The following ZNF365 variants were observed in gnomAD, a reference collection of about 807,000 sequenced individuals.
The protein encoded by ZNF365 is zinc finger protein 365.
A neutral mutation model predicts 35.0 loss-of-function variants in ZNF365; 22 were observed. The ratio of observed to expected loss-of-function variants is 0.63; its 90% CI spans 0.45 to 0.90. ZNF365 has a LOEUF of 0.90. Among genes scored for constraint, ZNF365 ranks in the 40% least tolerant of loss-of-function variants. The pLI, the probability that ZNF365 is intolerant of heterozygous loss-of-function variation, is 0.00. For missense variants in ZNF365, 448 were observed against 500.3 expected, an observed-to-expected ratio of 0.90 and a Z score of 1.00; for synonymous variants, 188 against 196.2, an observed-to-expected ratio of 0.96 and a Z score of 0.35.
At chr10:62,394,195 A>G (rs1839683099) in intron 3 of ZNF365, among the ~76,000 whole-genome samples, 1 of 152,200 alleles carries the variant, frequency 6.6e-6, no homozygotes, top group African/African-American at 2.4e-5. Flanking sequence ...CAGAAATCCA[A>G]AATGCTCCAG....
rs1404986897 is a variant in ZNF365, at chr10:62,376,319, C to T, written c.126C>T (p.Ser42=). The T allele has an allele frequency of 6.2e-7, 1 of 1,614,152 alleles. No homozygotes were observed. Among genetic ancestry groups the T allele is most frequent in the South Asian group, 1.1e-5 (1 of 91,088 alleles). The change falls in exon 2 of 5, where the codon TCC becomes TCT. Residue 42 remains serine, a synonymous_variant. Coordinates refer to ENST00000395254, the MANE Select transcript of ZNF365 (RefSeq NM_014951.3). ...GDHTRFRSLS[S]LRAHLEFSHS... is the part of the protein sequence containing the mutation. ...ATACCAGATTTAGAAGCTTGTCATC[C>T]TTGAGGGCCCATCTGGAGTTCAGTC...
At chr10:62,403,256 G>A (rs1839857446), downstream of ZNF365, among the ~76,000 whole-genome samples, 1 of 152,206 alleles carries the variant, frequency 6.6e-6, no homozygotes, top group Non-Finnish European at 1.5e-5. Flanking sequence ...AGTGGAAGTG[G>A]ATCATCATAG....
intron 3 of ZNF365, among the ~76,000 whole-genome samples, chr10:62,440,426 A>G (rs1840480353): frequency 6.6e-6 from 1 of 152,026 alleles, no homozygotes. Context: ...AGCAGACTGC[A>G]ATGTCTGTTG....
chr10:62,392,746 T>G (rs1287162789), intron 3 of ZNF365, among the ~76,000 whole-genome samples: 1 of 152,174 alleles, frequency 6.6e-6, no homozygotes, highest in Non-Finnish European at 1.5e-5. Context: ...TTCTCCTGCC[T>G]CAGCCTCCTG....
At chr10:62,443,034 C>T (rs1424927343) in intron 3 of ZNF365, among the ~76,000 whole-genome samples, 3 of 152,300 alleles carry the variant, frequency 2.0e-5, no homozygotes, top group East Asian at 1.9e-4. Context: ...AGGGCTCAAC[C>T]GGGCTTTGAA....
chr10:62,420,212 T>C (rs995012271), intron 3 of ZNF365, among the ~76,000 whole-genome samples: 1 of 152,238 alleles, frequency 6.6e-6, no homozygotes, highest in African/African-American at 2.4e-5. Flanking sequence ...CATTGTCTTA[T>C]TTGGATATCA....
At chr10:62,376,088 C>T (rs1157489988) in intron 1 of ZNF365, 93 bp from the exon 2 acceptor site, 4 of 1,404,680 alleles carry the variant, frequency 2.8e-6, no homozygotes, top group Non-Finnish European at 3.9e-6. Context: ...CACTTGAAAC[C>T]AAAAAGCCTC....
chr10:62,437,837 T>C (rs1363508801), intron 3 of ZNF365, among the ~76,000 whole-genome samples: 2 of 152,196 alleles, frequency 1.3e-5, no homozygotes, highest in Non-Finnish European at 2.9e-5. Flanking sequence ...CCACATACTT[T>C]AAAGTAAGAC....
chr10:62,415,897 C>A (rs1006481330), intron 3 of ZNF365, among the ~76,000 whole-genome samples: 1 of 152,134 alleles, frequency 6.6e-6, no homozygotes, highest in Non-Finnish European at 1.5e-5. Flanking sequence ...GAGGTTCTCT[C>A]CTGTTTAGAA....
intron 3 of ZNF365, among the ~76,000 whole-genome samples, chr10:62,450,414 A>G (rs1484908691): frequency 1.3e-5 from 2 of 152,182 alleles, no homozygotes; most frequent in Non-Finnish European, 1.5e-5. Flanking sequence ...TTACCGTGTG[A>G]ACTGAACTGT....
At chr10:62,453,528 T>C (rs1840717576) in intron 3 of ZNF365, among the ~76,000 whole-genome samples, 1 of 152,244 alleles carries the variant, frequency 6.6e-6, no homozygotes, top group Non-Finnish European at 1.5e-5. Context: ...TCCAATCATC[T>C]GTTGATGGAT....
rs140648616 is a variant in ZNF365 at position 62,441,377 on chromosome 10, T to C, written c.925-18364T>C. On this transcript the variant is annotated intron_variant, in intron 3 of 4. Transcript: ENST00000395255. ...ATCTATACCATATATATTAGTTCTTTAAATAGCAAAATCCTAGAATGCTAG... is the reference window on the plus strand; with the variant it reads ...ATCTATACCATATATATTAGTTCTTCAAATAGCAAAATCCTAGAATGCTAG... Among the ~76,000 whole-genome samples the C allele has an allele frequency of 7.3e-3, 1,113 of 152,288 alleles. 9 individuals are homozygous for C. Among genetic ancestry groups the C allele is most frequent in the Admixed American group, 0.013 (194 of 15,278 alleles).
intron 2 of ZNF365, among the ~76,000 whole-genome samples, chr10:62,386,845 A>G (rs1047679313): frequency 1.3e-5 from 2 of 151,972 alleles, no homozygotes; most frequent in East Asian, 3.8e-4. Flanking sequence ...GAGAAGATGT[A>G]GAGAAGCCAA....
downstream of ZNF365, among the ~76,000 whole-genome samples, chr10:62,406,709 G>A (rs557708572): frequency 9.8e-5 from 15 of 152,332 alleles, no homozygotes; most frequent in African/African-American, 3.1e-4. Flanking sequence ...GGCAGTCTGA[G>A]TGTGGTCATG....
chr10:62,376,445 A>T lies in ZNF365; in HGVS notation c.252A>T (p.Lys84Asn). The T allele has an allele frequency of 6.2e-7, 1 of 1,614,172 alleles. No individual in the cohort carries two copies. Among genetic ancestry groups the T allele is most frequent in the Non-Finnish European group, 8.5e-7 (1 of 1,180,036 alleles). Residue 84 changes from lysine to asparagine, a missense_variant, in exon 2 of 5, where the codon AAA becomes AAT. This residue lies in a region of ZNF365 where 76 missense variants were observed against 96.7 expected (regional missense o/e 0.79). Coordinates refer to ENST00000395254, the MANE Select transcript of ZNF365 (RefSeq NM_014951.3). ...VTSSELLKPG[K>N]LQSSGNVVKQ... ...CCTCAGAACTCCTGAAACCGGGAAA[A>T]TTGCAGAGCAGTGGCAACGTGGTAA...
At chr10:62,418,254 T>C (rs1840111576) in intron 3 of ZNF365, among the ~76,000 whole-genome samples, 1 of 152,058 alleles carries the variant, frequency 6.6e-6, no homozygotes, top group Admixed American at 6.6e-5. Context: ...ATTTTGTCAA[T>C]ATTTATATGG....
intron 3 of ZNF365, among the ~76,000 whole-genome samples, chr10:62,441,475 A>G (rs1350730434): frequency 6.6e-6 from 1 of 152,150 alleles, no homozygotes; most frequent in Admixed American, 6.6e-5. Context: ...GCTCAGAGAC[A>G]TGATCTTATT....
chr10:62,381,029 G>A (rs1839430496), intron 2 of ZNF365, among the ~76,000 whole-genome samples: 1 of 152,198 alleles, frequency 6.6e-6, no homozygotes, highest in Non-Finnish European at 1.5e-5. Flanking sequence ...TCCCTAAGGT[G>A]TTTGTGTTCT....
chr10:62,417,768 T>G (rs1159589803), intron 3 of ZNF365, among the ~76,000 whole-genome samples: 5 of 151,998 alleles, frequency 3.3e-5, no homozygotes, highest in Non-Finnish European at 5.9e-5. Flanking sequence ...TCTCTTAATT[T>G]TCTCAAGTCT....
Sources: gnomAD v4.1 joint callset for allele counts (sites outside exome capture counted in the v4.1 genomes callset) on GRCh38, gnomAD v4.1.1 for gene constraint, gnomAD v4.1.1 regional missense constraint, MANE v1.5 for transcripts, NCBI Gene and HGNC (gene_info 2026-07-23, HGNC 2026-07-21) for gene names.